The following CWH43 variants were observed in gnomAD, a reference collection of about 807,000 sequenced individuals.
CWH43 encodes cell wall biogenesis 43 C-terminal homolog.
A neutral mutation model predicts 85.7 loss-of-function variants in CWH43; 91 were observed. That is an observed-to-expected ratio of 1.06 (90% CI 0.90 to 1.26). The LOEUF is 1.26. Among genes scored for constraint, CWH43 ranks in the 50% most tolerant of loss-of-function variants. The pLI is 0.00. For synonymous variants in CWH43, 323 were observed against 293.6 expected (o/e 1.10, Z -1.02); for missense variants, 869 against 839.2 (o/e 1.04, Z -0.44).
At position 48,992,088 on chromosome 4, in the gene CWH43, CAGGTAATACT is replaced by C; in HGVS notation, c.510_511+8del. The C allele has an allele frequency of 1.9e-6, 3 of 1,610,020 alleles. No individual in the cohort carries two copies. The highest frequency in any genetic ancestry group is 2.5e-6 in the Non-Finnish European group (3 of 1,177,138). ...ATAGCCACACTTGATCGTATTGGCA[CAGGTAATACT>C]GTAACTTAGGAATTTTCTCTTTGCA... On this transcript the variant is annotated splice_donor_variant and splice_donor_5th_base_variant and coding_sequence_variant and intron_variant, in exon 4 of 16. Coordinates refer to ENST00000226432, the MANE Select transcript of CWH43 (RefSeq NM_025087.3). LOFTEE classifies it high-confidence loss of function. The surrounding 1 kb of genome is among the most constrained non-coding windows in gnomAD (Gnocchi z 4.3).
chr4:49,036,133 G>T (rs1784254910), intron 12 of CWH43, among the ~76,000 whole-genome samples: 1 of 152,152 alleles, frequency 6.6e-6, no homozygotes, highest in Non-Finnish European at 1.5e-5. Flanking sequence ...GGCATAGAAT[G>T]CAGCTACTGC....
chr4:49,028,868 C>A (rs1784003398), intron 10 of CWH43, 134 bp downstream of exon 10: 1 of 596,072 alleles, frequency 1.7e-6, no homozygotes, highest in Non-Finnish European at 2.9e-6. Flanking sequence ...ATAAACTCAC[C>A]TCAAAAATGC....
intron 13 of CWH43, among the ~76,000 whole-genome samples, chr4:49,038,766 G>A (rs556928166): frequency 6.6e-6 from 1 of 152,224 alleles, no homozygotes; most frequent in Admixed American, 6.5e-5. Flanking sequence ...CATTATGAAA[G>A]TTAATTATGG....
chr4:49,052,091 A>G (rs1257400943), intron 15 of CWH43, among the ~76,000 whole-genome samples: 3 of 152,186 alleles, frequency 2.0e-5, no homozygotes, highest in South Asian at 4.1e-4. Flanking sequence ...AAATTTCTCC[A>G]TTCTCTTTTT....
chr4:48,991,626 A>G, intron 3 of CWH43, 52 bp downstream of exon 3: 1 of 1,591,848 alleles, frequency 6.3e-7, no homozygotes, highest in Non-Finnish European at 8.6e-7. Flanking sequence ...ACCAGTTACC[A>G]AAGGGAAACC....
At chr4:49,058,043 A>G (rs1302254222) in intron 15 of CWH43, among the ~76,000 whole-genome samples, 2 of 151,936 alleles carry the variant, frequency 1.3e-5, no homozygotes, top group East Asian at 3.9e-4. Context: ...CTTATAACTT[A>G]TTTTTTTCAC....
chr4:49,016,938 G>A (rs1783566218), intron 8 of CWH43: 3 of 784,012 alleles, frequency 3.8e-6, no homozygotes, highest in South Asian at 2.7e-5. Flanking sequence ...CCCAGTAAAG[G>A]CCCCATTAGT....
intron 8 of CWH43, among the ~76,000 whole-genome samples, chr4:49,011,386 G>T (rs1468623040): frequency 6.6e-6 from 1 of 151,996 alleles, no homozygotes; most frequent in Non-Finnish European, 1.5e-5. Flanking sequence ...TGCAAGATGG[G>T]TCTCCTGAAT....
intron 8 of CWH43, among the ~76,000 whole-genome samples, chr4:49,012,904 A>T (rs911763248): frequency 1.3e-5 from 2 of 152,190 alleles, no homozygotes; most frequent in African/African-American, 4.8e-5. Context: ...GGTGTCTGTT[A>T]GCCCCTACTG....
chr4:49,037,268 C>T (rs1280197747), intron 12 of CWH43, among the ~76,000 whole-genome samples: 1 of 152,154 alleles, frequency 6.6e-6, no homozygotes, highest in Non-Finnish European at 1.5e-5. Flanking sequence ...GCCAAGGAGG[C>T]TTTCAGAAAG....
intron 2 of CWH43, among the ~76,000 whole-genome samples, chr4:48,989,496 C>T (rs1470188311): frequency 6.6e-6 from 1 of 152,250 alleles, no homozygotes; most frequent in African/African-American, 2.4e-5. Flanking sequence ...TACTCACAGT[C>T]ATGCGTTGCT....
intron 13 of CWH43, 137 bp from the exon 14 acceptor site, chr4:49,044,649 A>G: frequency 4.9e-6 from 3 of 616,806 alleles, no homozygotes; most frequent in Non-Finnish European, 8.3e-6. Context: ...TTGGACCAAA[A>G]AAGATCAGTA....
At chr4:49,011,858 G>A (rs1335788385) in intron 8 of CWH43, among the ~76,000 whole-genome samples, 2 of 152,134 alleles carry the variant, frequency 1.3e-5, no homozygotes, top group African/African-American at 4.8e-5. Flanking sequence ...AGTCTGATGG[G>A]CTTCCCTTTT....
At chr4:49,001,019 A>G (rs201101247) in intron 6 of CWH43, among the ~76,000 whole-genome samples, 1 of 151,716 alleles carries the variant, frequency 6.6e-6, no homozygotes, top group East Asian at 1.9e-4. Flanking sequence ...TCTGGAAACC[A>G]CACAATAATG....
At chr4:49,050,616 A>C in intron 14 of CWH43, 78 bp from the exon 15 acceptor site, 1 of 1,136,458 alleles carries the variant, frequency 8.8e-7, no homozygotes, top group East Asian at 2.4e-5. Flanking sequence ...GTTTAATAAC[A>C]AAGGGGTATC....
chr4:49,055,407 A>T (rs2605231), intron 15 of CWH43, among the ~76,000 whole-genome samples: 91,988 of 151,860 alleles, frequency 0.61, 30,309 homozygotes, highest in Middle Eastern at 0.8. Context: ...TTCAGTTTGC[A>T]GGTATTTTGT....
intron 14 of CWH43, among the ~76,000 whole-genome samples, chr4:49,046,730 A>G (rs944206260): frequency 1.3e-5 from 2 of 152,078 alleles, no homozygotes; most frequent in African/African-American, 4.8e-5. Context: ...GCGGGGTAAG[A>G]GCAAGGAGGC....
chr4:49,051,133 C>A (rs544779287), intron 15 of CWH43, among the ~76,000 whole-genome samples: 1 of 152,238 alleles, frequency 6.6e-6, no homozygotes, highest in African/African-American at 2.4e-5. Flanking sequence ...GTCACCTCCA[C>A]GATAGCTAGT....
At chr4:48,991,773 T>A (rs550277214) in intron 3 of CWH43, among the ~76,000 whole-genome samples, 163 bp from the exon 4 acceptor site, 1 of 152,190 alleles carries the variant, frequency 6.6e-6, no homozygotes, top group Admixed American at 6.5e-5. Context: ...TAAAGAATTA[T>A]AGCAAGTTGC....
Sources: gnomAD v4.1 joint callset for allele counts (sites outside exome capture counted in the v4.1 genomes callset) on GRCh38, gnomAD v4.1.1 for gene constraint, Gnocchi (gnomAD v3.1) non-coding constraint, MANE v1.5 for transcripts, NCBI Gene and HGNC (gene_info 2026-07-23, HGNC 2026-07-21) for gene names.